Variants in PXDNL observed in about 807,000 individuals in gnomAD.
The protein encoded by PXDNL is probable oxidoreductase PXDNL.
Under a neutral mutation model 150.8 loss-of-function variants are expected in PXDNL, and 145 were observed. That is an observed-to-expected ratio of 0.96 (90% CI 0.84 to 1.10). The LOEUF is 1.10. Among genes scored for constraint, PXDNL ranks in the 50% least tolerant of loss-of-function variants. The pLI, the probability that PXDNL is intolerant of heterozygous loss-of-function variation, is 0.00. For synonymous variants in PXDNL, 757 were observed against 725.7 expected (o/e 1.04, Z -0.69); for missense variants, 2,087 against 1,873.9 (o/e 1.11, Z -2.10).
chr8:51,396,619 T>C (rs1448398326), intron 17 of PXDNL, among the ~76,000 whole-genome samples: 1 of 152,000 alleles, frequency 6.6e-6, no homozygotes, highest in African/African-American at 2.4e-5. Flanking sequence ...TAGCCGGGCA[T>C]AGTGGTGCAT....
intron 1 of PXDNL, among the ~76,000 whole-genome samples, chr8:51,655,801 G>C (rs1329518878): frequency 2.6e-5 from 4 of 152,016 alleles, no homozygotes; most frequent in Non-Finnish European, 5.9e-5. Flanking sequence ...GAACATCTAG[G>C]GTCACTACCT....
intron 2 of PXDNL, among the ~76,000 whole-genome samples, chr8:51,611,415 A>G (rs1813997155): frequency 6.6e-6 from 1 of 152,216 alleles, no homozygotes; most frequent in Non-Finnish European, 1.5e-5. Context: ...ATATTGTTTT[A>G]GACCTTTTAA....
At chr8:51,463,891 TCATTAAAATAGAAA>T (rs1810140174) in intron 8 of PXDNL, among the ~76,000 whole-genome samples, 1 of 152,010 alleles carries the variant, frequency 6.6e-6, no homozygotes, top group Non-Finnish European at 1.5e-5. Context: ...TCTTTGAAAT[TCATTAAAATAGAAA>T]CACAACATAC....
At chr8:51,670,708 A>G (rs1361530402) in intron 1 of PXDNL, among the ~76,000 whole-genome samples, 1 of 152,184 alleles carries the variant, frequency 6.6e-6, no homozygotes, top group Admixed American at 6.5e-5. Context: ...ATGCAGTAGA[A>G]AGATCACTAG....
chr8:51,506,928 AT>A (rs951700111), intron 4 of PXDNL, among the ~76,000 whole-genome samples: 6 of 152,096 alleles, frequency 3.9e-5, no homozygotes, highest in Admixed American at 6.6e-5. Flanking sequence ...AAACTCTCCG[AT>A]TTTTTTCATA....
intron 4 of PXDNL, among the ~76,000 whole-genome samples, chr8:51,516,964 G>A (rs193207637): frequency 6.6e-6 from 1 of 152,250 alleles, no homozygotes; most frequent in East Asian, 1.9e-4. Context: ...ATTATCAGAA[G>A]TTCTAATTAT....
At chr8:51,448,259 G>A (rs1809723713) in intron 11 of PXDNL, among the ~76,000 whole-genome samples, 1 of 152,154 alleles carries the variant, frequency 6.6e-6, no homozygotes, top group African/African-American at 2.4e-5. Flanking sequence ...GGGCATAGGG[G>A]GTTAGATCCT....
chr8:51,639,753 C>T lies in PXDNL; in HGVS notation c.236+14936G>A, dbSNP rs1814700034. Among the ~76,000 whole-genome samples, 3 of 152,110 alleles carry T rather than the reference C, an allele frequency of 2.0e-5. No individual in the cohort carries two copies. In the South Asian group the frequency reaches 6.2e-4, roughly 32 times the overall value. On this transcript the variant is annotated intron_variant, in intron 2 of 22. Transcript: ENST00000356297. ...AAGAGTCCAGGACCAGATGGATTCA[C>T]AGCCGAATTCTACCAGAGGTACAAG...
At chr8:51,490,985 A>G (rs919156571) in intron 5 of PXDNL, among the ~76,000 whole-genome samples, 5 of 152,150 alleles carry the variant, frequency 3.3e-5, no homozygotes, top group African/African-American at 1.2e-4. Context: ...GAACTGGGAA[A>G]GGCAGACCCA....
At chr8:51,604,865 G>C (rs556367752) in intron 2 of PXDNL, among the ~76,000 whole-genome samples, 9 of 151,502 alleles carry the variant, frequency 5.9e-5, no homozygotes, top group Non-Finnish European at 1.2e-4. Context: ...AGTTTGTATA[G>C]TATTAGGAAT....
intron 2 of PXDNL, among the ~76,000 whole-genome samples, chr8:51,640,349 G>T (rs1372400373): frequency 6.6e-6 from 1 of 152,114 alleles, no homozygotes; most frequent in Non-Finnish European, 1.5e-5. Context: ...GGAAGTTCTG[G>T]CCAGGGCAAT....
intron 1 of PXDNL, among the ~76,000 whole-genome samples, chr8:51,668,973 G>A (rs1815443589): frequency 6.6e-6 from 1 of 152,012 alleles, no homozygotes; most frequent in Admixed American, 6.6e-5. Flanking sequence ...AGGCTCTTTG[G>A]AGAAAATAAA....
intron 1 of PXDNL, among the ~76,000 whole-genome samples, chr8:51,709,720 C>T (rs1414074103): frequency 6.6e-6 from 1 of 152,014 alleles, no homozygotes; most frequent in East Asian, 1.9e-4. Flanking sequence ...TTTATGTAGT[C>T]ATTAAAGTAA....
At chr8:51,370,765 T>A (rs1807082837) in intron 19 of PXDNL, among the ~76,000 whole-genome samples, 1 of 152,156 alleles carries the variant, frequency 6.6e-6, no homozygotes, top group South Asian at 2.1e-4. Context: ...CCTGGCTAAT[T>A]TTTGTATTTT....
chr8:51,540,620 T>A (rs1010649812), intron 4 of PXDNL, among the ~76,000 whole-genome samples: 2 of 152,198 alleles, frequency 1.3e-5, no homozygotes, highest in African/African-American at 4.8e-5. Context: ...AGCTTTATTA[T>A]GTAATCCACA....
At chr8:51,656,773 T>C (rs1815158361) in intron 1 of PXDNL, among the ~76,000 whole-genome samples, 1 of 152,218 alleles carries the variant, frequency 6.6e-6, no homozygotes, top group Non-Finnish European at 1.5e-5. Flanking sequence ...CTTCTACTCA[T>C]AATTTCACGT....
intron 3 of PXDNL, among the ~76,000 whole-genome samples, chr8:51,570,312 G>A (rs971682310): frequency 1.3e-5 from 2 of 151,836 alleles, no homozygotes; most frequent in Admixed American, 6.6e-5. Context: ...CCACCCATCC[G>A]GAGAGATGCA....
chr8:51,567,381 A>G (rs1378828710), intron 3 of PXDNL, among the ~76,000 whole-genome samples: 1 of 151,816 alleles, frequency 6.6e-6, no homozygotes, highest in Non-Finnish European at 1.5e-5. Flanking sequence ...GAAGCCTTCA[A>G]CTATCATAGT....
intron 19 of PXDNL, among the ~76,000 whole-genome samples, chr8:51,349,066 G>A (rs1586021829): frequency 6.6e-6 from 1 of 152,122 alleles, no homozygotes; most frequent in Non-Finnish European, 1.5e-5. Context: ...TGACATGCGG[G>A]TATGAATTAC....
Sources: gnomAD v4.1 joint callset for allele counts (sites outside exome capture counted in the v4.1 genomes callset) on GRCh38, gnomAD v4.1.1 for gene constraint, MANE v1.5 for transcripts, NCBI Gene and HGNC (gene_info 2026-07-23, HGNC 2026-07-21) for gene names.